Variants in KANSL1L observed in about 807,000 individuals in gnomAD.
KANSL1L encodes the protein KAT8 regulatory NSL complex subunit 1-like protein.
In KANSL1L, 25 loss-of-function variants were observed where a neutral mutation model predicts 108.6. That is an observed-to-expected ratio of 0.23 (90% CI 0.17 to 0.32). The LOEUF is 0.32. Among genes scored for constraint, KANSL1L ranks in the 10% least tolerant of loss-of-function variants. The probability of loss-of-function intolerance (pLI) is 1.00; values close to 1 mark genes in which losing one functional copy is unlikely to be tolerated. For missense variants in KANSL1L, 1,137 were observed against 1,125.7 expected (o/e 1.01, Z -0.14); for synonymous variants, 405 against 395.1 (o/e 1.03, Z -0.30).
intron 5 of KANSL1L, among the ~76,000 whole-genome samples, chr2:210,094,608 C>A (rs943578934): frequency 6.6e-6 from 1 of 151,884 alleles, no homozygotes; most frequent in African/African-American, 2.4e-5. Context: ...TCATATAATG[C>A]TATAATATAA....
chr2:210,089,862 C>T (rs2125379739), intron 5 of KANSL1L, among the ~76,000 whole-genome samples: 1 of 152,194 alleles, frequency 6.6e-6, no homozygotes, highest in South Asian at 2.1e-4. Context: ...AAGAAAACAA[C>T]TTCCCAAGAG....
intron 6 of KANSL1L, among the ~76,000 whole-genome samples, chr2:210,071,827 A>G (rs1313708139): frequency 6.6e-6 from 1 of 152,136 alleles, no homozygotes; most frequent in Non-Finnish European, 1.5e-5. Flanking sequence ...TGCCCACTAC[A>G]GCGTTTGTTT....
chr2:210,138,928 G>A (rs907111169), intron 2 of KANSL1L, among the ~76,000 whole-genome samples: 18 of 151,842 alleles, frequency 1.2e-4, no homozygotes, highest in South Asian at 4.2e-4. Flanking sequence ...GCGAAACCCC[G>A]CCTCTACTAA....
intron 3 of KANSL1L, among the ~76,000 whole-genome samples, chr2:210,116,376 G>A (rs886652732): frequency 1.3e-5 from 2 of 152,194 alleles, no homozygotes; most frequent in Non-Finnish European, 2.9e-5. Context: ...TTTGCCACCT[G>A]CTGATGATAG....
chr2:210,070,201 T>A (rs1184546666), intron 6 of KANSL1L, among the ~76,000 whole-genome samples: 1 of 148,114 alleles, frequency 6.8e-6, no homozygotes, highest in Non-Finnish European at 1.5e-5. Flanking sequence ...GCCTTCTCTG[T>A]GTCTCAAATC....
At chr2:210,057,805 T>C (rs1014148520) in intron 6 of KANSL1L, among the ~76,000 whole-genome samples, 1 of 152,246 alleles carries the variant, frequency 6.6e-6, no homozygotes, top group Non-Finnish European at 1.5e-5. Flanking sequence ...TCATGGACAC[T>C]TATCACTTCC....
At chr2:210,101,508 A>G (rs919460914) in intron 4 of KANSL1L, among the ~76,000 whole-genome samples, 2 of 152,228 alleles carry the variant, frequency 1.3e-5, no homozygotes, top group African/African-American at 4.8e-5. Flanking sequence ...GTAAAAGTAG[A>G]TTTGACTGTG....
chr2:210,162,755 A>G (rs1243592952), intron 1 of KANSL1L, among the ~76,000 whole-genome samples: 1 of 152,120 alleles, frequency 6.6e-6, no homozygotes. Context: ...CCAGAAGTGT[A>G]TGAAATCAAG....
chr2:210,129,241 ACTTC>A, intron 2 of KANSL1L, 69 bp from the exon 3 acceptor site: 1 of 1,352,318 alleles, frequency 7.4e-7, no homozygotes. Flanking sequence ...CTGCTTAATA[ACTTC>A]CTTAACTCCC....
intron 5 of KANSL1L, among the ~76,000 whole-genome samples, chr2:210,093,951 A>G (rs1027168469): frequency 5.9e-5 from 9 of 152,214 alleles, no homozygotes; most frequent in Non-Finnish European, 1.3e-4. Context: ...TAAGTACAAT[A>G]AGTTTGTCAC....
intron 6 of KANSL1L, among the ~76,000 whole-genome samples, chr2:210,056,700 C>T (rs1044943631): frequency 3.3e-5 from 5 of 152,072 alleles, no homozygotes; most frequent in East Asian, 1.9e-4. Context: ...AGGCTGCTCT[C>T]GAACTCCTGA....
chr2:210,048,667 TTTTG>T (rs922442589), intron 6 of KANSL1L, among the ~76,000 whole-genome samples: 68 of 152,142 alleles, frequency 4.5e-4, no homozygotes, highest in African/African-American at 1.4e-3. Context: ...ACGTGTATGG[TTTTG>T]TTTTTGTTTG....
chr2:210,111,400 A>G (rs1553664675), intron 3 of KANSL1L, among the ~76,000 whole-genome samples: 1 of 152,186 alleles, frequency 6.6e-6, no homozygotes, highest in Non-Finnish European at 1.5e-5. Context: ...TTAATGTTTT[A>G]TTATTTGACT....
At chr2:210,121,115 T>C (rs1229401014) in intron 3 of KANSL1L, among the ~76,000 whole-genome samples, 2 of 152,142 alleles carry the variant, frequency 1.3e-5, no homozygotes, top group African/African-American at 2.4e-5. Context: ...AAGACAGATA[T>C]ACCATTTGAC....
In KANSL1L at chr2:210,025,229, A is replaced by G. The variant is rs1312362644; in HGVS notation, c.2452-13T>C. On this transcript the variant is annotated splice_polypyrimidine_tract_variant and intron_variant, in intron 12 of 14. Transcript: ENST00000281772. Reference sequence around the variant, plus strand: ...AAAGATCTTCTATCTGGAATTAGAAATAAAGATTTTTGTTTTAATCAGAAA... The same window carrying G: ...AAAGATCTTCTATCTGGAATTAGAAGTAAAGATTTTTGTTTTAATCAGAAA... The G allele has an allele frequency of 4.1e-6, 6 of 1,447,468 alleles. No individual in the cohort carries two copies. Among genetic ancestry groups the G allele is most frequent in the Non-Finnish European group, 5.8e-6 (6 of 1,028,338 alleles). 89.7% of individuals were successfully genotyped at this position (1,447,468 alleles called of 1,614,324 possible). A position where few individuals can be genotyped will look rare whatever the true frequency, so the allele number is the denominator to read the frequency against.
intron 6 of KANSL1L, among the ~76,000 whole-genome samples, chr2:210,053,498 G>C (rs2094315628): frequency 6.6e-6 from 1 of 152,178 alleles, no homozygotes; most frequent in African/African-American, 2.4e-5. Context: ...TTGAGGGGCT[G>C]AGGCAGGAGA....
At chr2:210,162,075 A>AT (rs1318484745) in intron 1 of KANSL1L, among the ~76,000 whole-genome samples, 10 of 13,088 alleles carry the variant, frequency 7.6e-4, no homozygotes, top group South Asian at 2.9e-3. Context: ...AAAAAAAAAA[A>AT]AATATATATA....
chr2:210,084,854 C>T (rs1382494980), intron 5 of KANSL1L, among the ~76,000 whole-genome samples: 1 of 152,152 alleles, frequency 6.6e-6, no homozygotes, highest in East Asian at 1.9e-4. Context: ...TCATGATCCA[C>T]CCGCCTCGGC....
rs527760373 is a variant in KANSL1L, at chr2:210,103,399, A to G, written c.1428+705T>C. ...ACGAGTTAATGGGTGCAGCACACCA[A>G]CATGGCACATGTATACATATGTAAC... is the stretch of plus-strand genomic sequence containing the variant. On this transcript the variant is annotated intron_variant, in intron 4 of 14. Transcript: ENST00000281772. 1.2e-4 allele frequency among the ~76,000 whole-genome samples: 18 copies of G among 152,328 alleles called. No homozygotes were observed. In the East Asian group the frequency reaches 2.3e-3, roughly 20 times the overall value.
Sources: allele counts gnomAD v4.1 joint callset (sites outside exome capture counted in the v4.1 genomes callset), GRCh38; gene constraint gnomAD v4.1.1; transcripts MANE v1.5; gene names NCBI Gene and HGNC (gene_info 2026-07-23, HGNC 2026-07-21).